Variants in CDH11 observed in about 807,000 individuals in gnomAD.
The protein encoded by CDH11 is cadherin 11.
In CDH11, 11 loss-of-function variants were observed where a neutral mutation model predicts 67.8. The observed-to-expected ratio is 0.16, with a 90% confidence interval of 0.10 to 0.27. The LOEUF is 0.27. Among genes scored for constraint, CDH11 ranks in the 10% least tolerant of loss-of-function variants. The pLI, the probability that CDH11 is intolerant of heterozygous loss-of-function variation, is 1.00. For missense variants in CDH11, 847 were observed against 1,031.2 expected, an observed-to-expected ratio of 0.82 and a Z score of 2.45; for synonymous variants, 419 against 400.0, an observed-to-expected ratio of 1.05 and a Z score of -0.57.
intron 4 of CDH11, among the ~76,000 whole-genome samples, chr16:64,994,024 C>T (rs920655297): frequency 2.6e-5 from 4 of 152,158 alleles, no homozygotes; most frequent in Non-Finnish European, 5.9e-5. Context: ...CAATCCAGCA[C>T]ACAACAAAAC....
chr16:65,097,802 A>G (rs1053009379), intron 1 of CDH11, among the ~76,000 whole-genome samples: 1 of 152,166 alleles, frequency 6.6e-6, no homozygotes, highest in Non-Finnish European at 1.5e-5. Flanking sequence ...CTTCCAGTCC[A>G]CTACTGGGGA....
chr16:65,099,674 G>A (rs1023579327), intron 1 of CDH11, among the ~76,000 whole-genome samples: 1 of 152,138 alleles, frequency 6.6e-6, no homozygotes, highest in African/African-American at 2.4e-5. Flanking sequence ...AAGAGTAGAT[G>A]GAGATGTGCC....
In CDH11 at chr16:65,121,511, C is replaced by T. The variant is rs2075329472; in HGVS notation, c.-298+369G>A. Among the ~76,000 whole-genome samples, 1 of 152,054 alleles carries T rather than the reference C, an allele frequency of 6.6e-6. No homozygotes were observed. The highest frequency in any genetic ancestry group is 1.5e-5 in the Non-Finnish European group (1 of 68,004). On this transcript the variant is annotated intron_variant, in intron 1 of 12. Transcript: ENST00000268603. The surrounding 1 kb of genome is among the most constrained non-coding windows in gnomAD (Gnocchi z 4.1). ...GGGCGACTTTCCCCAGAGATATGAC[C>T]GGGGACAGTCGGCGTGTCCGGAGGT... is the stretch of plus-strand genomic sequence containing the variant.
intron 2 of CDH11, among the ~76,000 whole-genome samples, chr16:65,025,479 A>T (rs916194705): frequency 6.6e-6 from 1 of 152,038 alleles, no homozygotes; most frequent in Non-Finnish European, 1.5e-5. Context: ...AGTAGCTGGG[A>T]CTAAAGGCAC....
Position 64,943,866 on chromosome 16 carries a change from T to A in CDH11, c.*3737A>T, listed in dbSNP as rs2071149003. ...GCAAGATTCCCTGCCCTCATGGAGC[T>A]TACATTCTAGTGGGGCAGTCAGTCC... On this transcript the variant is annotated 3_prime_UTR_variant, in exon 13 of 13. Transcript: ENST00000268603. 4.4e-6 allele frequency: 1 copy of A among 228,162 alleles called. No homozygotes were observed. Among genetic ancestry groups the A allele is most frequent in the East Asian group, 6.3e-5 (1 of 15,940 alleles). 14.1% of individuals were successfully genotyped at this position (228,162 alleles called of 1,614,324 possible). A position where few individuals can be genotyped will look rare whatever the true frequency, so the allele number is the denominator to read the frequency against.
intron 2 of CDH11, among the ~76,000 whole-genome samples, chr16:65,017,665 G>A (rs2073338142): frequency 6.6e-6 from 1 of 152,140 alleles, no homozygotes; most frequent in African/African-American, 2.4e-5. Context: ...ACACTTGTTA[G>A]AACTAAGTTA....
intron 4 of CDH11, among the ~76,000 whole-genome samples, chr16:64,993,237 C>CCTTCCT (rs1555516126): frequency 6.6e-6 from 1 of 151,212 alleles, no homozygotes; most frequent in Admixed American, 6.6e-5. Context: ...TTCCTTCCTG[C>CCTTCCT]TCTATAAAAA....
At chr16:64,972,816 T>C in intron 9 of CDH11, 88 bp downstream of exon 9, 1 of 1,382,572 alleles carries the variant, frequency 7.2e-7, no homozygotes, top group Non-Finnish European at 1.0e-6. Context: ...AAAGTTAGTC[T>C]ATCTCAGCTA....
In CDH11 at chr16:64,971,859, G is replaced by A; in HGVS notation, c.1524+72C>T. On this transcript the variant is annotated intron_variant, in intron 10 of 12. Coordinates refer to ENST00000268603, the MANE Select transcript of CDH11 (RefSeq NM_001797.4). Reference sequence around the variant, plus strand: ...TTTGGGCAGTGGTTGGTATCTCCAAGTGATGGTTTAAAAAACACACTCTAT... The same window carrying A: ...TTTGGGCAGTGGTTGGTATCTCCAAATGATGGTTTAAAAAACACACTCTAT... The A allele has an allele frequency of 4.5e-6, 7 of 1,543,810 alleles. No individual in the cohort carries two copies. The South Asian group carries it at 7.9e-5, about 17-fold the overall frequency.
chr16:64,983,365 A>G (rs1054757466), intron 7 of CDH11: 1 of 152,174 alleles, frequency 6.6e-6, no homozygotes, highest in Non-Finnish European at 1.5e-5. Context: ...TAGCAGAGAA[A>G]CAAGCCCGGC....
intron 2 of CDH11, among the ~76,000 whole-genome samples, chr16:65,043,172 C>T (rs1005430909): frequency 2.6e-5 from 4 of 152,154 alleles, no homozygotes; most frequent in African/African-American, 9.7e-5. Flanking sequence ...ATCTTGGTAC[C>T]TAGTACAGTG....
At chr16:65,021,441 G>A (rs1156469102) in intron 2 of CDH11, among the ~76,000 whole-genome samples, 1 of 151,910 alleles carries the variant, frequency 6.6e-6, no homozygotes, top group Non-Finnish European at 1.5e-5. Context: ...TCTCAAGAGT[G>A]TTAAGAAGAC....
chr16:65,047,640 A>G (rs867702359), intron 2 of CDH11, among the ~76,000 whole-genome samples: 1 of 152,136 alleles, frequency 6.6e-6, no homozygotes, highest in Non-Finnish European at 1.5e-5. Flanking sequence ...ATGAGCCACC[A>G]TGCCAGGTCT....
Position 65,004,853 on chromosome 16 carries a change from CAGT to C in CDH11, c.14_16del (p.Tyr5del). On this transcript the variant is annotated inframe_deletion, in exon 3 of 13. Coordinates refer to ENST00000268603, the MANE Select transcript of CDH11 (RefSeq NM_001797.4). ...CAGGCACACCAGGGCGGCTTGTAAA[CAGT>C]AGTTCTCCTTCATTTTTGGTTACGT... 6.5e-7 allele frequency: 1 copy of C among 1,536,966 alleles called. No homozygotes were observed. The highest frequency in any genetic ancestry group is 8.8e-7 in the Non-Finnish European group (1 of 1,138,854).
At chr16:65,034,930 C>T (rs190363680) in intron 2 of CDH11, among the ~76,000 whole-genome samples, 2 of 152,322 alleles carry the variant, frequency 1.3e-5, no homozygotes, top group East Asian at 1.9e-4. Context: ...ATCCCATCTC[C>T]TCATTTCCTC....
intron 6 of CDH11, chr16:64,991,522 C>T (rs779181819): frequency 4.1e-5 from 18 of 443,042 alleles, no homozygotes; most frequent in South Asian, 8.9e-5. Flanking sequence ...TTAGCAAAAA[C>T]GATATTTTGT....
chr16:64,994,553 G>A (rs1286884956), intron 4 of CDH11, among the ~76,000 whole-genome samples: 1 of 152,102 alleles, frequency 6.6e-6, no homozygotes, highest in Non-Finnish European at 1.5e-5. Context: ...TACAATGTCT[G>A]AGTTCTCAAA....
At chr16:65,084,497 TA>T (rs79619140) in intron 1 of CDH11, among the ~76,000 whole-genome samples, 21 of 151,468 alleles carry the variant, frequency 1.4e-4, no homozygotes, top group African/African-American at 3.6e-4. Flanking sequence ...ATCTAAAGAT[TA>T]AAAAAAAATG....
At chr16:64,983,192 A>G (rs2072400477) in intron 7 of CDH11, 1 of 151,816 alleles carries the variant, frequency 6.6e-6, no homozygotes, top group South Asian at 2.1e-4. Context: ...ATTTAAAGAA[A>G]AACAAATGAA....
Sources: gnomAD v4.1 joint callset for allele counts (sites outside exome capture counted in the v4.1 genomes callset) on GRCh38, gnomAD v4.1.1 for gene constraint, Gnocchi (gnomAD v3.1) non-coding constraint, MANE v1.5 for transcripts, NCBI Gene and HGNC (gene_info 2026-07-23, HGNC 2026-07-21) for gene names.